The following ZPBP variants were observed in gnomAD, a reference collection of about 807,000 sequenced individuals.
ZPBP encodes zona pellucida binding protein.
A neutral mutation model predicts 44.8 loss-of-function variants in ZPBP; 26 were observed. The ratio of observed to expected loss-of-function variants is 0.58; its 90% CI spans 0.43 to 0.81. The LOEUF (loss-of-function observed/expected upper bound fraction) is 0.81, where lower values mean the gene tolerates loss of function less well. Ranked by LOEUF, ZPBP falls within the 30% of genes least tolerant of loss-of-function variation. The probability of loss-of-function intolerance (pLI) is 0.00; values close to 1 mark genes in which losing one functional copy is unlikely to be tolerated. For synonymous variants in ZPBP, 174 were observed against 153.2 expected (o/e 1.14, Z -1.00); for missense variants, 409 against 434.0 (o/e 0.94, Z 0.51).
chr7:50,014,149 A>G (rs1798705651), intron 6 of ZPBP, among the ~76,000 whole-genome samples: 1 of 152,084 alleles, frequency 6.6e-6, no homozygotes, highest in African/African-American at 2.4e-5. Flanking sequence ...ATTTTCATGT[A>G]CTGGAAGATT....
chr7:49,862,944 A>G (rs1353852401), intron 2 of ZPBP, among the ~76,000 whole-genome samples: 2 of 152,148 alleles, frequency 1.3e-5, no homozygotes, highest in Non-Finnish European at 2.9e-5. Context: ...TGATGTCTCA[A>G]TCTGGCTTTG....
At chr7:50,007,134 T>A (rs112374772) in intron 6 of ZPBP, among the ~76,000 whole-genome samples, 1 of 151,860 alleles carries the variant, frequency 6.6e-6, no homozygotes. Context: ...CCTCACAAGA[T>A]ACCAAATCTG....
chr7:49,952,894 T>C (rs551595975), intron 7 of ZPBP, among the ~76,000 whole-genome samples: 3 of 152,048 alleles, frequency 2.0e-5, no homozygotes, highest in African/African-American at 4.8e-5. Flanking sequence ...AAGAGATCTA[T>C]TACCAGATGG....
intron 4 of ZPBP, among the ~76,000 whole-genome samples, chr7:50,042,474 C>T (rs1800142949): frequency 6.6e-6 from 1 of 152,184 alleles, no homozygotes; most frequent in Admixed American, 6.5e-5. Context: ...GATCTCTCTG[C>T]AGAAACCCTA....
chr7:50,036,538 T>C (rs1018402428), intron 4 of ZPBP, among the ~76,000 whole-genome samples: 1 of 152,138 alleles, frequency 6.6e-6, no homozygotes, highest in African/African-American at 2.4e-5. Context: ...ACTTCAACAT[T>C]GTAATATGTA....
At chr7:49,862,986 G>T (rs1790719793) in intron 2 of ZPBP, among the ~76,000 whole-genome samples, 1 of 152,110 alleles carries the variant, frequency 6.6e-6, no homozygotes, top group South Asian at 2.1e-4. Flanking sequence ...CTTACAGTGA[G>T]GTAGGATGTA....
intron 5 of ZPBP, among the ~76,000 whole-genome samples, chr7:50,025,190 A>G (rs1409755664): frequency 3.3e-5 from 5 of 151,918 alleles, no homozygotes; most frequent in African/African-American, 1.2e-4. Context: ...AAGATCCACT[A>G]TTGTTACAAT....
chr7:50,047,002 G>A (rs979651704), intron 4 of ZPBP, among the ~76,000 whole-genome samples: 1 of 152,176 alleles, frequency 6.6e-6, no homozygotes, highest in African/African-American at 2.4e-5. Flanking sequence ...GCAGGGACAT[G>A]GAGGAAGCTG....
intron 3 of ZPBP, among the ~76,000 whole-genome samples, chr7:50,073,641 G>A (rs1190692507): frequency 6.6e-6 from 1 of 151,972 alleles, no homozygotes; most frequent in Admixed American, 6.6e-5. Context: ...GTTAAAGAAT[G>A]GATCCAAAAA....
chr7:49,968,361 C>T (rs1317750865), intron 7 of ZPBP, among the ~76,000 whole-genome samples: 3 of 151,944 alleles, frequency 2.0e-5, no homozygotes, highest in South Asian at 2.1e-4. Flanking sequence ...ATATATTAAA[C>T]TCCACTCAAA....
downstream of ZPBP, among the ~76,000 whole-genome samples, chr7:49,847,961 G>A (rs561777075): frequency 6.6e-6 from 1 of 152,296 alleles, no homozygotes; most frequent in African/African-American, 2.4e-5. Flanking sequence ...TCCCTCCAAC[G>A]TCAGCAAGGC....
At chr7:49,902,195 T>C (rs1583795111) in intron 1 of ZPBP, among the ~76,000 whole-genome samples, 1 of 151,940 alleles carries the variant, frequency 6.6e-6, no homozygotes, top group South Asian at 2.1e-4. Context: ...CTGGCCTCCA[T>C]TAAAATTAAA....
chr7:49,855,533 G>T (rs1011813980), intron 2 of ZPBP, among the ~76,000 whole-genome samples: 1 of 152,200 alleles, frequency 6.6e-6, no homozygotes, highest in African/African-American at 2.4e-5. Context: ...AAGGCTCAGC[G>T]AGGACAGGTT....
intron 7 of ZPBP, among the ~76,000 whole-genome samples, chr7:49,971,039 A>G (rs10229515): frequency 0.8 from 121,466 of 151,872 alleles, 48,727 homozygotes; most frequent in East Asian, 0.92. Context: ...GCAAGACCCC[A>G]TATCAATAAA....
At chr7:49,949,762 T>C (rs1432352455) in intron 7 of ZPBP, among the ~76,000 whole-genome samples, 2 of 152,054 alleles carry the variant, frequency 1.3e-5, no homozygotes, top group Non-Finnish European at 2.9e-5. Flanking sequence ...ATTTAAATTA[T>C]ACATTTAAAT....
At chr7:49,877,479 AAAATATAT>A (rs1333175839) in intron 2 of ZPBP, among the ~76,000 whole-genome samples, 1 of 12,742 alleles carries the variant, frequency 7.8e-5, no homozygotes, top group African/African-American at 3.8e-4. Context: ...AAAAAAAAAA[AAAATATAT>A]ATATATATAT....
intron 6 of ZPBP, among the ~76,000 whole-genome samples, chr7:50,003,922 C>T (rs11980286): frequency 0.19 from 29,344 of 152,024 alleles, 3,228 homozygotes; most frequent in African/African-American, 0.29. Context: ...TTACAAATTT[C>T]CCTAAATATG....
chr7:49,861,585 A>AT (rs1351998727), intron 2 of ZPBP, among the ~76,000 whole-genome samples: 1 of 152,206 alleles, frequency 6.6e-6, no homozygotes, highest in Non-Finnish European at 1.5e-5. Context: ...GGTAAGAAAG[A>AT]TTTAAACCTT....
chr7:50,008,103 T>A (rs1562841260), intron 6 of ZPBP, among the ~76,000 whole-genome samples: 1 of 152,060 alleles, frequency 6.6e-6, no homozygotes, highest in Non-Finnish European at 1.5e-5. Flanking sequence ...GATGACATGA[T>A]CTTACATACA....
Sources: allele counts gnomAD v4.1 joint callset (sites outside exome capture counted in the v4.1 genomes callset), GRCh38; gene constraint gnomAD v4.1.1; transcripts MANE v1.5; gene names NCBI Gene and HGNC (gene_info 2026-07-23, HGNC 2026-07-21).